Variants in GAB2 observed in about 807,000 individuals in gnomAD.
GAB2 encodes GRB2-associated-binding protein 2.
A neutral mutation model predicts 65.5 loss-of-function variants in GAB2; 26 were observed. The ratio of observed to expected loss-of-function variants is 0.40; its 90% CI spans 0.29 to 0.55. The LOEUF (loss-of-function observed/expected upper bound fraction) is 0.55, where lower values mean the gene tolerates loss of function less well. GAB2 is among the 20% of genes least tolerant of loss of function. GAB2 has a pLI of 0.53. For missense variants in GAB2, 884 were observed against 875.8 expected, an observed-to-expected ratio of 1.01 and a Z score of -0.12; for synonymous variants, 321 against 329.6, an observed-to-expected ratio of 0.97 and a Z score of 0.28.
At chr11:78,414,722 A>T (rs925528296) in intron 1 of GAB2, among the ~76,000 whole-genome samples, 1 of 152,194 alleles carries the variant, frequency 6.6e-6, no homozygotes. Flanking sequence ...GCACTCAGTA[A>T]ATAGCAGATA....
intron 1 of GAB2, among the ~76,000 whole-genome samples, chr11:78,319,224 C>T (rs1345240367): frequency 6.6e-6 from 1 of 152,110 alleles, no homozygotes; most frequent in African/African-American, 2.4e-5. Context: ...TCCATTAAAC[C>T]AGCTAAAAGA....
chr11:78,393,586 T>C (rs1376391702), intron 1 of GAB2, among the ~76,000 whole-genome samples: 1 of 152,208 alleles, frequency 6.6e-6, no homozygotes, highest in Non-Finnish European at 1.5e-5. Context: ...TCAAAAAGCC[T>C]TACAAATAAT....
At chr11:78,380,271 G>C (rs896082502) in intron 1 of GAB2, among the ~76,000 whole-genome samples, 8 of 151,140 alleles carry the variant, frequency 5.3e-5, no homozygotes, top group Non-Finnish European at 1.0e-4. Flanking sequence ...GCAGTGGTGT[G>C]ATCTCAGCTC....
At chr11:78,282,038 A>T (rs568763472) in intron 1 of GAB2, among the ~76,000 whole-genome samples, 1 of 152,324 alleles carries the variant, frequency 6.6e-6, no homozygotes, top group East Asian at 1.9e-4. Context: ...CCTCAGGATT[A>T]TATTTCCTGT....
intron 1 of GAB2, among the ~76,000 whole-genome samples, chr11:78,378,886 G>A (rs1031091334): frequency 6.6e-6 from 1 of 152,186 alleles, no homozygotes; most frequent in Non-Finnish European, 1.5e-5. Flanking sequence ...TACCTGCTTA[G>A]ATCACATGCC....
intron 1 of GAB2, among the ~76,000 whole-genome samples, chr11:78,408,833 T>A (rs1454754299): frequency 6.6e-6 from 1 of 152,202 alleles, no homozygotes; most frequent in Non-Finnish European, 1.5e-5. Flanking sequence ...ATGTAAGATG[T>A]GCCTGCTTCT....
intron 1 of GAB2, among the ~76,000 whole-genome samples, chr11:78,317,105 C>CA (rs1019712990): frequency 6.6e-6 from 1 of 152,018 alleles, no homozygotes; most frequent in Non-Finnish European, 1.5e-5. Flanking sequence ...TTCAGAGAGA[C>CA]AAAAAATACA....
chr11:78,319,073 G>A (rs1855672520), intron 1 of GAB2, among the ~76,000 whole-genome samples: 2 of 150,544 alleles, frequency 1.3e-5, no homozygotes, highest in Admixed American at 1.3e-4. Context: ...TGCCCCAGAG[G>A]CCGCTGAGGT....
chr11:78,289,404 C>T (rs1052025933), intron 1 of GAB2, among the ~76,000 whole-genome samples: 3 of 152,110 alleles, frequency 2.0e-5, no homozygotes, highest in South Asian at 2.1e-4. Flanking sequence ...AACTATAAAA[C>T]GTTTAGAAAA....
intron 1 of GAB2, among the ~76,000 whole-genome samples, chr11:78,316,282 A>G (rs1158672086): frequency 5.9e-5 from 9 of 152,182 alleles, no homozygotes; most frequent in Non-Finnish European, 1.3e-4. Context: ...ACTTTGCATT[A>G]TAACTGTGTG....
At chr11:78,280,930 AG>A (rs757853087) in intron 1 of GAB2, 29 bp from the exon 2 acceptor site, 32 of 1,566,288 alleles carry the variant, frequency 2.0e-5, no homozygotes, top group Non-Finnish European at 2.8e-5. Flanking sequence ...GAGTAAGAAG[AG>A]GGGGAAGAAG....
intron 4 of GAB2, 79 bp downstream of exon 4, chr11:78,226,386 G>A: frequency 9.5e-6 from 11 of 1,152,642 alleles, no homozygotes; most frequent in Non-Finnish European, 1.2e-5. Context: ...GGCCATGGAT[G>A]ACCAAGGACC....
intron 1 of GAB2, among the ~76,000 whole-genome samples, chr11:78,306,450 G>C (rs936566876): frequency 6.6e-6 from 1 of 152,106 alleles, no homozygotes; most frequent in African/African-American, 2.4e-5. Context: ...CAGGCTGGTC[G>C]TGAACTCCTG....
chr11:78,216,798 TAAA>T lies in GAB2; in HGVS notation c.*2471_*2473del, dbSNP rs2134442489. Reference sequence around the variant, plus strand: ...CTGCGGGTACAGGGAAGGCACCAGTTAAAAGCTCTGTCGTATGGGGCCCCTTGT... The same window carrying T: ...CTGCGGGTACAGGGAAGGCACCAGTTAGCTCTGTCGTATGGGGCCCCTTGT... On this transcript the variant is annotated 3_prime_UTR_variant, in exon 10 of 10. Transcript: ENST00000361507. 6.6e-6 allele frequency: 1 copy of T among 152,362 alleles called. No homozygotes were observed. The highest frequency in any genetic ancestry group is 2.1e-4 in the South Asian group (1 of 4,818). The allele number at this position is 152,362 out of a possible 1,614,324, so 9.4% of individuals were successfully genotyped here.
At chr11:78,277,877 T>G (rs1050851410) in intron 2 of GAB2, among the ~76,000 whole-genome samples, 9 of 152,218 alleles carry the variant, frequency 5.9e-5, no homozygotes, top group African/African-American at 1.7e-4. Context: ...GCTCTAACAC[T>G]TTTTAATAAA....
In GAB2 at chr11:78,417,659, T is replaced by C; in HGVS notation, c.62A>G (p.Lys21Arg). ...GWLRKSPPEK[K>R]LRRYAWKKRW... is the part of the protein sequence containing the mutation. ...GCCCGCACTCACATAGCGCCTCAAC[T>C]TCTTCTCGGGAGGCGATTTCCTCAG... Residue 21 changes from lysine to arginine, a missense_variant, in exon 1 of 10, where the codon AAG becomes AGG. Transcript: ENST00000361507. 1 of 1,377,284 alleles carries C rather than the reference T, an allele frequency of 7.3e-7. No homozygotes were observed. The highest frequency in any genetic ancestry group is 2.3e-4 in the Middle Eastern group (1 of 4,364). The allele number at this position is 1,377,284 out of a possible 1,614,324, so 85.3% of individuals were successfully genotyped here. A position where few individuals can be genotyped will look rare whatever the true frequency, so the allele number is the denominator to read the frequency against.
At chr11:78,365,823 C>G (rs1475404816) in intron 1 of GAB2, among the ~76,000 whole-genome samples, 1 of 152,156 alleles carries the variant, frequency 6.6e-6, no homozygotes, top group Non-Finnish European at 1.5e-5. Flanking sequence ...CTTCTTGTTT[C>G]AATACACAGG....
chr11:78,256,432 C>G (rs915735336), intron 2 of GAB2, among the ~76,000 whole-genome samples: 1 of 152,068 alleles, frequency 6.6e-6, no homozygotes, highest in Non-Finnish European at 1.5e-5. Flanking sequence ...TGTGAAATAT[C>G]TAGAAGAGGC....
rs1433501842 is a variant in GAB2 at position 78,220,382 on chromosome 11, G to A, written c.1824C>T (p.Ser608=). ...SGTNSPAPKK[S]TGSVDYLALD... ...GGGCCAGATAATCAACGCTGCCGGT[G>A]CTCTTCTTAGGGGCAGGACTGTTCG... Residue 608 remains serine, a synonymous_variant, in exon 9 of 10, where the codon AGC becomes AGT. Transcript: ENST00000361507. 6.2e-7 allele frequency: 1 copy of A among 1,612,766 alleles called. No homozygotes were observed. Among genetic ancestry groups the A allele is most frequent in the Admixed American group, 1.7e-5 (1 of 59,952 alleles).
Sources: gnomAD v4.1 joint callset for allele counts (sites outside exome capture counted in the v4.1 genomes callset) on GRCh38, gnomAD v4.1.1 for gene constraint, MANE v1.5 for transcripts, NCBI Gene and HGNC (gene_info 2026-07-23, HGNC 2026-07-21) for gene names.